CSMD1: variants seen among roughly 807,000 people sequenced by gnomAD.
CSMD1 encodes the protein CUB and Sushi multiple domains 1.
A neutral mutation model predicts 417.5 loss-of-function variants in CSMD1; 213 were observed. The ratio of observed to expected loss-of-function variants is 0.51; its 90% CI spans 0.46 to 0.57. CSMD1 has a LOEUF of 0.57. Ranked by LOEUF, CSMD1 falls within the 20% of genes least tolerant of loss-of-function variation. CSMD1 has a pLI of 0.00. For missense variants in CSMD1, 6,923 were observed against 4,529.7 expected, an observed-to-expected ratio of 1.53 and a Z score of -15.17; for synonymous variants, 2,862 against 1,736.8, an observed-to-expected ratio of 1.65 and a Z score of -16.11.
At chr8:3,998,316 T>C (rs2059582) in intron 4 of CSMD1, among the ~76,000 whole-genome samples, 117,612 of 152,080 alleles carry the variant, frequency 0.77, 46,226 homozygotes, top group South Asian at 0.88. Flanking sequence ...ATCTTATTAA[T>C]TGAATGGCCA....
chr8:4,364,183 C>A (rs551696018), intron 3 of CSMD1, among the ~76,000 whole-genome samples: 1 of 152,030 alleles, frequency 6.6e-6, no homozygotes. Context: ...TACTAAATGC[C>A]CACAAAAATT....
intron 52 of CSMD1, among the ~76,000 whole-genome samples, chr8:3,007,201 A>T (rs1395326069): frequency 2.3e-4 from 34 of 147,468 alleles, no homozygotes; most frequent in Admixed American, 5.4e-4. Flanking sequence ...CATCAGAGAA[A>T]TGCAAATCAA....
chr8:4,070,680 G>A (rs1473886296), intron 3 of CSMD1, among the ~76,000 whole-genome samples: 2 of 151,950 alleles, frequency 1.3e-5, no homozygotes, highest in African/African-American at 2.4e-5. Flanking sequence ...CTCTCTATTC[G>A]TCACTGAAGA....
intron 5 of CSMD1, among the ~76,000 whole-genome samples, chr8:3,887,220 A>T (rs145838310): frequency 2.1e-3 from 319 of 152,286 alleles, no homozygotes; most frequent in African/African-American, 6.9e-3. Flanking sequence ...AACAAGGAAC[A>T]TCTTAGCCAT....
chr8:3,847,112 A>C (rs537871239), intron 5 of CSMD1, among the ~76,000 whole-genome samples: 1 of 152,226 alleles, frequency 6.6e-6, no homozygotes, highest in Admixed American at 6.5e-5. Flanking sequence ...CATGCTCCTG[A>C]GGTCTCCTCC....
At chr8:4,444,788 T>G (rs190745939) in intron 2 of CSMD1, among the ~76,000 whole-genome samples, 1 of 152,156 alleles carries the variant, frequency 6.6e-6, no homozygotes, top group Non-Finnish European at 1.5e-5. Context: ...TAAGAACATA[T>G]TATTCCAGAT....
At chr8:3,107,845 T>C (rs765929161) in intron 44 of CSMD1, 47 bp from the exon 45 acceptor site, 13 of 1,186,822 alleles carry the variant, frequency 1.1e-5, no homozygotes, top group South Asian at 6.6e-5. Context: ...TTACACTTGC[T>C]GAATAAACAC....
At chr8:4,090,321 A>C (rs577491877) in intron 3 of CSMD1, among the ~76,000 whole-genome samples, 1 of 152,226 alleles carries the variant, frequency 6.6e-6, no homozygotes, top group Non-Finnish European at 1.5e-5. Flanking sequence ...GTTTATAAAG[A>C]AACATTAAAC....
intron 3 of CSMD1, among the ~76,000 whole-genome samples, chr8:4,339,551 T>G (rs1447425579): frequency 6.6e-6 from 1 of 152,096 alleles, no homozygotes; most frequent in African/African-American, 2.4e-5. Context: ...GACTACTGAA[T>G]CTTTCATAAA....
intron 5 of CSMD1, among the ~76,000 whole-genome samples, chr8:3,774,626 T>C (rs1798801541): frequency 1.3e-5 from 2 of 152,224 alleles, no homozygotes; most frequent in Non-Finnish European, 2.9e-5. Flanking sequence ...AAATTCTCAC[T>C]ATCTTTGTTG....
At chr8:3,845,345 T>C (rs1283689780) in intron 5 of CSMD1, among the ~76,000 whole-genome samples, 2 of 152,214 alleles carry the variant, frequency 1.3e-5, no homozygotes, top group Non-Finnish European at 2.9e-5. Flanking sequence ...ATACAGCATG[T>C]TGCTCCTGGA....
intron 3 of CSMD1, among the ~76,000 whole-genome samples, chr8:4,288,246 A>T (rs1797169036): frequency 6.6e-6 from 1 of 152,238 alleles, no homozygotes; most frequent in African/African-American, 2.4e-5. Context: ...GGGTGCCTTC[A>T]TGAGTTTCTG....
At chr8:3,263,522 C>T (rs1047914271) in intron 26 of CSMD1, among the ~76,000 whole-genome samples, 7 of 152,154 alleles carry the variant, frequency 4.6e-5, no homozygotes, top group African/African-American at 1.7e-4. Context: ...GAGAATATTA[C>T]TGGTCTATAG....
At chr8:3,202,879 T>G (rs1315927704) in intron 31 of CSMD1, among the ~76,000 whole-genome samples, 1 of 152,182 alleles carries the variant, frequency 6.6e-6, no homozygotes, top group Non-Finnish European at 1.5e-5. Context: ...AAAGAAGGCA[T>G]GTAGGCTAGG....
intron 2 of CSMD1, among the ~76,000 whole-genome samples, chr8:4,557,961 A>C (rs1283384676): frequency 6.6e-6 from 1 of 152,174 alleles, no homozygotes; most frequent in African/African-American, 2.4e-5. Context: ...CTGATAAATA[A>C]TAAGGTGGCC....
chr8:3,715,507 T>A (rs566016281), intron 6 of CSMD1, among the ~76,000 whole-genome samples: 10 of 152,282 alleles, frequency 6.6e-5, no homozygotes, highest in African/African-American at 2.4e-4. Context: ...CCATTTCCCA[T>A]CTTTACAAAC....
chr8:3,123,986 A>T (rs1051117853), intron 41 of CSMD1, among the ~76,000 whole-genome samples: 1 of 152,220 alleles, frequency 6.6e-6, no homozygotes, highest in Non-Finnish European at 1.5e-5. Context: ...TCTGCTCATG[A>T]AAATAACCTC....
At chr8:4,020,043 T>G (rs1051848151) in intron 4 of CSMD1, among the ~76,000 whole-genome samples, 3 of 152,114 alleles carry the variant, frequency 2.0e-5, no homozygotes, top group African/African-American at 7.2e-5. Context: ...AAAATCGTGC[T>G]TAAGAGTGGA....
At chr8:4,668,908 A>G (rs761454649) in intron 1 of CSMD1, among the ~76,000 whole-genome samples, 6 of 152,050 alleles carry the variant, frequency 3.9e-5, no homozygotes, top group Non-Finnish European at 8.8e-5. Context: ...AGATCTCTGA[A>G]GCTTTATTTT....
Sources: allele counts gnomAD v4.1 joint callset (sites outside exome capture counted in the v4.1 genomes callset), GRCh38; gene constraint gnomAD v4.1.1; transcripts MANE v1.5; gene names NCBI Gene and HGNC (gene_info 2026-07-23, HGNC 2026-07-21).